The following TNKS2 variants were observed in gnomAD, a reference collection of about 807,000 sequenced individuals.
TNKS2 encodes the protein tankyrase 2.
In TNKS2, 72 loss-of-function variants were observed where a neutral mutation model predicts 137.6. That is an observed-to-expected ratio of 0.52 (90% CI 0.43 to 0.64). TNKS2 has a LOEUF of 0.64. Ranked by LOEUF, TNKS2 falls within the 30% of genes least tolerant of loss-of-function variation. The pLI is 0.00. For synonymous variants in TNKS2, 516 were observed against 512.1 expected, an observed-to-expected ratio of 1.01 and a Z score of -0.10; for missense variants, 1,049 against 1,410.2, an observed-to-expected ratio of 0.74 and a Z score of 4.10.
chr10:91,826,500 C>T (rs934849580), intron 7 of TNKS2, among the ~76,000 whole-genome samples: 1 of 152,080 alleles, frequency 6.6e-6, no homozygotes, highest in Non-Finnish European at 1.5e-5. Context: ...AGAATCTAGA[C>T]GAAGTACATA....
At chr10:91,810,187 C>T (rs747035921) in intron 1 of TNKS2, among the ~76,000 whole-genome samples, 1 of 151,976 alleles carries the variant, frequency 6.6e-6, no homozygotes, top group Non-Finnish European at 1.5e-5. Flanking sequence ...ACCAGCCTGG[C>T]CAACATGGCA....
At chr10:91,801,897 G>T in intron 1 of TNKS2, among the ~76,000 whole-genome samples, 1 of 152,148 alleles carries the variant, frequency 6.6e-6, no homozygotes, top group East Asian at 1.9e-4. Flanking sequence ...CTAGAAAACA[G>T]CAAATTTCAG....
intron 25 of TNKS2, among the ~76,000 whole-genome samples, chr10:91,860,116 T>C (rs1382413493): frequency 1.3e-5 from 2 of 152,224 alleles, no homozygotes; most frequent in Non-Finnish European, 2.9e-5. Flanking sequence ...AATTAAAACA[T>C]TGATCCTTTT....
Position 91,863,600 on chromosome 10 carries a change from T to C in TNKS2, c.*601T>C, listed in dbSNP as rs1438032117. 3 of 152,392 alleles carry C rather than the reference T, an allele frequency of 2.0e-5. No individual in the cohort carries two copies. The highest frequency in any genetic ancestry group is 3.4e-3 in the Middle Eastern group (1 of 294). 9.4% of individuals were successfully genotyped at this position (152,392 alleles called of 1,614,324 possible). On this transcript the variant is annotated 3_prime_UTR_variant, in exon 27 of 27. Coordinates refer to ENST00000371627, the MANE Select transcript of TNKS2 (RefSeq NM_025235.4). ...TTGTTAGTTGGGAAAGATTGAGTTA[T>C]CAGATTTAATTTGCCGATGGGAGCC...
Position 91,833,833 on chromosome 10 carries a change from A to G in TNKS2, c.1276-20A>G, listed in dbSNP as rs1436976419. 1.9e-6 allele frequency: 3 copies of G among 1,547,500 alleles called. No homozygotes were observed. Among genetic ancestry groups the G allele is most frequent in the African/African-American group, 1.4e-5 (1 of 72,200 alleles). Reference sequence around the variant, plus strand: ...AATTTTGCATTGCGGGCTAATTTCAATTTTTTCTGCTTTGTTAAGGTTAAT... The same window carrying G: ...AATTTTGCATTGCGGGCTAATTTCAGTTTTTTCTGCTTTGTTAAGGTTAAT... On this transcript the variant is annotated intron_variant, in intron 11 of 26. Coordinates refer to ENST00000371627, the MANE Select transcript of TNKS2 (RefSeq NM_025235.4).
At chr10:91,833,255 G>A (rs1841879220) in intron 11 of TNKS2, among the ~76,000 whole-genome samples, 1 of 152,144 alleles carries the variant, frequency 6.6e-6, no homozygotes, top group Non-Finnish European at 1.5e-5. Flanking sequence ...TGCGTTCTAG[G>A]CCTTGACATA....
chr10:91,819,354 CT>C (rs747107014), intron 4 of TNKS2, 48 bp downstream of exon 4: 11 of 1,226,740 alleles, frequency 9.0e-6, no homozygotes, highest in East Asian at 8.1e-5. Context: ...TCACCATTAA[CT>C]TTTTCTTTTT....
At chr10:91,816,349 G>T (rs953102890) in intron 2 of TNKS2, among the ~76,000 whole-genome samples, 22 of 152,232 alleles carry the variant, frequency 1.4e-4, no homozygotes, top group Middle Eastern at 3.4e-3. Context: ...AAAATTCCGT[G>T]TAATTAACCT....
At chr10:91,799,015 G>T (rs1016413185) in intron 1 of TNKS2, 126 bp downstream of exon 1, 31 of 1,237,594 alleles carry the variant, frequency 2.5e-5, no homozygotes, top group Admixed American at 1.3e-4. Context: ...TGGTGATCTC[G>T]CTCTCTTCCA....
chr10:91,828,415 T>C lies in TNKS2; in HGVS notation c.1104+9T>C. 1 of 1,554,740 alleles carries C rather than the reference T, an allele frequency of 6.4e-7. No homozygotes were observed. The highest frequency in any genetic ancestry group is 8.7e-7 in the Non-Finnish European group (1 of 1,154,798). On this transcript the variant is annotated intron_variant, in intron 9 of 26. Transcript: ENST00000371627. The stretch of plus-strand genomic sequence containing the variant: ...CACATGAAACAGCATTGGTAATGTT[T>C]CAGATTTAAGTTTTTAAAATACAAT...
In TNKS2 at chr10:91,855,051, G is replaced by T. The variant is rs1271901299; in HGVS notation, c.2838G>T (p.Leu946Phe). 1 of 1,608,780 alleles carries T rather than the reference G, an allele frequency of 6.2e-7. No individual in the cohort carries two copies. Among genetic ancestry groups the T allele is most frequent in the Non-Finnish European group, 8.5e-7 (1 of 1,176,170 alleles). Reference sequence around the variant, plus strand: ...TAGGTCTTAACCCATATTTAACTTTGAACACCTCTGGTAGTGGAACAATTC... The same window carrying T: ...TAGGTCTTAACCCATATTTAACTTTTAACACCTCTGGTAGTGGAACAATTC... ...GQQGLNPYLT[L>F]NTSGSGTILI... Residue 946 changes from leucine (L) to phenylalanine (F), a missense_variant, in exon 22 of 27, where the codon TTG (leucine) becomes TTT (phenylalanine). Leu to Phe is a conservative substitution (Grantham distance 22, BLOSUM62 0). Around this residue, in one of 6 missense-constraint regions of TNKS2, gnomAD observed 208 missense variants for 231.2 expected, o/e 0.90. Transcript: ENST00000371627.
In TNKS2 at chr10:91,864,964, A is replaced by G. The variant is rs557057896; in HGVS notation, c.*1965A>G. ...CAAACTGTGTTATTTTATCTAATCC[A>G]TTGCTTAATGAGTGTGTTTTTCCAT... On this transcript the variant is annotated 3_prime_UTR_variant, in exon 27 of 27. Coordinates refer to ENST00000371627, the MANE Select transcript of TNKS2 (RefSeq NM_025235.4). 1 of 152,478 alleles carries G rather than the reference A, an allele frequency of 6.6e-6. No homozygotes were observed. The highest frequency in any genetic ancestry group is 2.4e-5 in the African/African-American group (1 of 41,496). 9.4% of individuals were successfully genotyped at this position (152,478 alleles called of 1,614,324 possible).
At chr10:91,858,068 G>A (rs1304688875) in intron 24 of TNKS2, among the ~76,000 whole-genome samples, 3 of 152,124 alleles carry the variant, frequency 2.0e-5, no homozygotes, top group African/African-American at 7.2e-5. Context: ...AAGCTGGCAG[G>A]TGTTGATTAG....
At chr10:91,847,928 A>T (rs967800543) in intron 18 of TNKS2, among the ~76,000 whole-genome samples, 1 of 152,188 alleles carries the variant, frequency 6.6e-6, no homozygotes, top group Non-Finnish European at 1.5e-5. Context: ...TGCCATATTT[A>T]AATTATATTT....
rs543155127 is a variant in TNKS2, at chr10:91,809,527, G to A, written c.200-3456G>A. ...TAAAAATACAAAAAATTAGCTGGGCGTGGTGGCGGGCGCCTGTAGTCCCAG... is the reference window on the plus strand; with the variant it reads ...TAAAAATACAAAAAATTAGCTGGGCATGGTGGCGGGCGCCTGTAGTCCCAG... On this transcript the variant is annotated intron_variant, in intron 1 of 26. Coordinates refer to ENST00000371627, the MANE Select transcript of TNKS2 (RefSeq NM_025235.4). 7.4e-4 allele frequency among the ~76,000 whole-genome samples: 113 copies of A among 152,014 alleles called. 1 individual carries two copies. The South Asian group carries it at 0.01, about 13-fold the overall frequency.
At chr10:91,813,523 A>G (rs1041587172) in intron 2 of TNKS2, among the ~76,000 whole-genome samples, 6 of 152,210 alleles carry the variant, frequency 3.9e-5, no homozygotes, top group African/African-American at 1.4e-4. Context: ...GTGACTTGGC[A>G]GGATCAAGTC....
At chr10:91,815,663 T>C (rs1844669850) in intron 2 of TNKS2, among the ~76,000 whole-genome samples, 1 of 152,114 alleles carries the variant, frequency 6.6e-6, no homozygotes, top group South Asian at 2.1e-4. Context: ...TTGGATGTAT[T>C]AGGTGAAATC....
chr10:91,831,833 A>C (rs1329575431), intron 11 of TNKS2, among the ~76,000 whole-genome samples: 3 of 152,190 alleles, frequency 2.0e-5, no homozygotes, highest in Non-Finnish European at 4.4e-5. Context: ...CTAATTCAGC[A>C]GTTTTTACAG....
At chr10:91,810,920 CTT>C (rs35240102) in intron 1 of TNKS2, among the ~76,000 whole-genome samples, 22 of 50,122 alleles carry the variant, frequency 4.4e-4, no homozygotes, top group African/African-American at 1.7e-3. Flanking sequence ...CTTTTCTTTT[CTT>C]TTTTTTTTTT....
Sources: gnomAD v4.1 joint callset for allele counts (sites outside exome capture counted in the v4.1 genomes callset) on GRCh38, gnomAD v4.1.1 for gene constraint, gnomAD v4.1.1 regional missense constraint, MANE v1.5 for transcripts, NCBI Gene and HGNC (gene_info 2026-07-23, HGNC 2026-07-21) for gene names.